OSBPL8: variants seen among roughly 807,000 people sequenced by gnomAD.
The protein encoded by OSBPL8 is oxysterol-binding protein-related protein 8.
In OSBPL8, 59 loss-of-function variants were observed where a neutral mutation model predicts 125.5. That is an observed-to-expected ratio of 0.47 (90% confidence interval 0.38 to 0.58). The LOEUF (loss-of-function observed/expected upper bound fraction) is 0.58. Ranked by LOEUF, OSBPL8 falls within the 20% of genes least tolerant of loss-of-function variation. The pLI is 0.00. For missense variants in OSBPL8, 758 were observed against 1,047.8 expected (o/e 0.72, Z 3.82); for synonymous variants, 330 against 338.9 (o/e 0.97, Z 0.29).
At chr12:76,517,061 G>A (rs531249815) in intron 1 of OSBPL8, among the ~76,000 whole-genome samples, 5 of 152,178 alleles carry the variant, frequency 3.3e-5, no homozygotes, top group African/African-American at 1.2e-4. Flanking sequence ...TGATCTGCCT[G>A]CCTCAGCCTC....
intron 17 of OSBPL8, 143 bp from the exon 18 acceptor site, chr12:76,373,576 A>T (rs1952700630): frequency 4.2e-6 from 2 of 477,438 alleles, no homozygotes; most frequent in South Asian, 9.1e-5. Flanking sequence ...TACTGACTCA[A>T]ATTTTAGTTA....
At chr12:76,542,356 C>T (rs1950669862) in intron 1 of OSBPL8, among the ~76,000 whole-genome samples, 1 of 152,158 alleles carries the variant, frequency 6.6e-6, no homozygotes, top group Non-Finnish European at 1.5e-5. Context: ...TCACACTCTC[C>T]ACTACCACCT....
intron 1 of OSBPL8, among the ~76,000 whole-genome samples, chr12:76,514,006 A>G (rs1259862762): frequency 2.0e-5 from 3 of 151,994 alleles, no homozygotes; most frequent in African/African-American, 7.2e-5. Context: ...GTTGTCTTAT[A>G]GTGTCACTAG....
intron 1 of OSBPL8, among the ~76,000 whole-genome samples, chr12:76,509,988 C>G (rs1305271913): frequency 6.6e-6 from 1 of 152,154 alleles, no homozygotes; most frequent in Non-Finnish European, 1.5e-5. Context: ...ACTGCCTCTT[C>G]CCAAAAAACT....
At chr12:76,410,670 T>C (rs1218640608) in intron 4 of OSBPL8, 36 bp from the exon 5 acceptor site, 2 of 1,360,300 alleles carry the variant, frequency 1.5e-6, no homozygotes, top group Admixed American at 1.7e-5. Context: ...TATTACTACT[T>C]TTGAACATGT....
chr12:76,535,808 T>C (rs1403976467), intron 1 of OSBPL8, among the ~76,000 whole-genome samples: 2 of 152,108 alleles, frequency 1.3e-5, no homozygotes, highest in Non-Finnish European at 2.9e-5. Context: ...TCATATGAAA[T>C]CTTAGAACAG....
At position 76,402,711 on chromosome 12, in the gene OSBPL8, A is replaced by C; in HGVS notation, c.344T>G (p.Leu115Arg). 1 of 1,606,664 alleles carries C rather than the reference A, an allele frequency of 6.2e-7. No homozygotes were observed. Among genetic ancestry groups the C allele is most frequent in the Non-Finnish European group, 8.5e-7 (1 of 1,173,880 alleles). Reference sequence around the variant, plus strand: ...AACCTTAAGAGATTCTTTTTTTGTGAGTTTGCTTGAAGTTGAACTGTCCTT... The same window carrying C: ...AACCTTAAGAGATTCTTTTTTTGTGCGTTTGCTTGAAGTTGAACTGTCCTT... ...SEKDSSTSSK[L>R]TKKESLKVQK... The change falls in exon 6 of 24, where the codon CTC becomes CGC. Residue 115 changes from leucine (L) to arginine (R), a missense_variant. By Grantham distance (102) the Leu-to-Arg change is moderately radical (BLOSUM62 -2). Around this residue, in one of 3 missense-constraint regions of OSBPL8, gnomAD observed 117 missense variants for 137.1 expected, o/e 0.85. Transcript: ENST00000261183.
intron 1 of OSBPL8, among the ~76,000 whole-genome samples, chr12:76,521,136 C>T (rs192619894): frequency 6.6e-5 from 10 of 152,312 alleles, no homozygotes; most frequent in African/African-American, 2.2e-4. Flanking sequence ...CACTAACTCA[C>T]CACTCAGCAT....
At chr12:76,500,040 C>T (rs547567672) in intron 1 of OSBPL8, among the ~76,000 whole-genome samples, 12 of 152,146 alleles carry the variant, frequency 7.9e-5, no homozygotes, top group Admixed American at 4.6e-4. Flanking sequence ...CCTGCCTTCA[C>T]GCCTACATAT....
chr12:76,457,925 T>C (rs1327966944), intron 3 of OSBPL8, among the ~76,000 whole-genome samples: 3 of 152,106 alleles, frequency 2.0e-5, no homozygotes, highest in African/African-American at 4.8e-5. Flanking sequence ...AAGAATCCAT[T>C]GAAATTAAAT....
chr12:76,438,778 T>A (rs534834042), intron 4 of OSBPL8, among the ~76,000 whole-genome samples: 2 of 152,298 alleles, frequency 1.3e-5, no homozygotes, highest in South Asian at 4.1e-4. Flanking sequence ...AAATCATAGA[T>A]TTTCTAATAT....
chr12:76,373,295 TCCCACAG>T, intron 18 of OSBPL8, 42 bp downstream of exon 18: 1 of 1,233,908 alleles, frequency 8.1e-7, no homozygotes, highest in Admixed American at 2.3e-5. Flanking sequence ...ATTTTTTTTT[TCCCACAG>T]AATAAAATTC....
chr12:76,556,436 GAT>G (rs1951101936), intron 1 of OSBPL8, among the ~76,000 whole-genome samples: 1 of 142,008 alleles, frequency 7.0e-6, no homozygotes, highest in African/African-American at 2.7e-5. Flanking sequence ...ACTTTGTGAG[GAT>G]ATGTGAGGGA....
At chr12:76,531,588 G>C (rs1038790205) in intron 1 of OSBPL8, among the ~76,000 whole-genome samples, 3 of 152,144 alleles carry the variant, frequency 2.0e-5, no homozygotes, top group Non-Finnish European at 4.4e-5. Context: ...ATACAAACAG[G>C]AAACAATTGA....
At chr12:76,397,449 T>C (rs995919131) in intron 8 of OSBPL8, among the ~76,000 whole-genome samples, 1 of 150,062 alleles carries the variant, frequency 6.7e-6, no homozygotes, top group Non-Finnish European at 1.5e-5. Flanking sequence ...AAAAAAACAG[T>C]ACAAATTGAA....
At chr12:76,458,047 G>A (rs1044777207) in intron 3 of OSBPL8, among the ~76,000 whole-genome samples, 10 of 150,850 alleles carry the variant, frequency 6.6e-5, no homozygotes, top group South Asian at 2.1e-4. Context: ...CAGGAGGATC[G>A]GATCGCTTGA....
chr12:76,365,691 T>G (rs560883232), intron 21 of OSBPL8, among the ~76,000 whole-genome samples: 1 of 152,138 alleles, frequency 6.6e-6, no homozygotes, highest in Non-Finnish European at 1.5e-5. Context: ...ACGGGGAAGG[T>G]TTTCAACCTG....
In OSBPL8 at chr12:76,413,242, T is replaced by C. The variant is rs1379204477; in HGVS notation, c.218-2608A>G. ...AGAGAATTGCTAACATTTCATAAGA[T>C]TCCTCCTCAGTGCAATTCTTAATCA... is the stretch of plus-strand genomic sequence containing the variant. On this transcript the variant is annotated intron_variant, in intron 4 of 23. Transcript: ENST00000261183. 2.0e-5 allele frequency among the ~76,000 whole-genome samples: 3 copies of C among 152,178 alleles called. No individual in the cohort carries two copies. In the East Asian group the frequency reaches 5.8e-4, roughly 29 times the overall value.
intron 1 of OSBPL8, among the ~76,000 whole-genome samples, chr12:76,550,291 C>T (rs1950899357): frequency 6.6e-6 from 1 of 151,986 alleles, no homozygotes; most frequent in Non-Finnish European, 1.5e-5. Context: ...TACTAATTCT[C>T]TATATTATCA....
Sources: allele counts gnomAD v4.1 joint callset (sites outside exome capture counted in the v4.1 genomes callset), GRCh38; gene constraint gnomAD v4.1.1; regional missense constraint gnomAD v4.1.1; transcripts MANE v1.5; gene names NCBI Gene and HGNC (gene_info 2026-07-23, HGNC 2026-07-21).